Variants in OSBP2 observed in about 807,000 individuals in gnomAD.
OSBP2 encodes the protein oxysterol binding protein 2.
Under a neutral mutation model 96.0 loss-of-function variants are expected in OSBP2, and 66 were observed. The ratio of observed to expected loss-of-function variants is 0.69; its 90% CI spans 0.56 to 0.84. OSBP2 has a LOEUF of 0.84. Ranked by LOEUF, OSBP2 falls within the 40% of genes least tolerant of loss-of-function variation. The pLI is 0.00. For missense variants in OSBP2, 1,038 were observed against 1,222.7 expected (o/e 0.85, Z 2.25); for synonymous variants, 525 against 520.9 (o/e 1.01, Z -0.11).
At chr22:30,792,038 G>A (rs1241565144) in intron 2 of OSBP2, among the ~76,000 whole-genome samples, 3 of 152,080 alleles carry the variant, frequency 2.0e-5, no homozygotes, top group Non-Finnish European at 4.4e-5. Flanking sequence ...CAGGCCAGGT[G>A]CAGTGGCTCA....
At position 30,795,518 on chromosome 22, in the gene OSBP2, A is replaced by ATTTTTTT. The variant is rs136288; in HGVS notation, c.853+54161_853+54167dup. Among the ~76,000 whole-genome samples the ATTTTTTT allele has an allele frequency of 8.2e-5, 10 of 122,284 alleles. 1 individual carries two copies. Among genetic ancestry groups the ATTTTTTT allele is most frequent in the African/African-American group, 2.2e-4 (7 of 32,046 alleles). The allele number at this position is 122,284 out of a possible 152,430, so 80.2% of individuals were successfully genotyped here. A position where few individuals can be genotyped will look rare whatever the true frequency, so the allele number is the denominator to read the frequency against. The stretch of plus-strand genomic sequence containing the variant: ...TTCTGCCGTTAAACCTATCCAATGC[A>ATTTTTTT]TTTTTTTTTTTTTTTTTTGAGATGG... On this transcript the variant is annotated intron_variant, in intron 2 of 13. Coordinates refer to ENST00000332585, the MANE Select transcript of OSBP2 (RefSeq NM_030758.4).
intron 2 of OSBP2, among the ~76,000 whole-genome samples, chr22:30,851,211 G>A (rs768214389): frequency 3.3e-5 from 5 of 151,338 alleles, no homozygotes; most frequent in East Asian, 1.9e-4. Flanking sequence ...ACAGGCATGC[G>A]CCACGCATAC....
At position 30,852,962 on chromosome 22, in the gene OSBP2, G is replaced by A. The variant is rs1005383339; in HGVS notation, c.854-17467G>A. Among the ~76,000 whole-genome samples the A allele has an allele frequency of 2.0e-5, 3 of 152,094 alleles. No individual in the cohort carries two copies. The East Asian group carries it at 5.8e-4, about 29-fold the overall frequency. ...TATATTTTTGTTATTGTTGTCTAATGTACTTCTTTCATATCCAGAGGAGAT... is the reference window on the plus strand; with the variant it reads ...TATATTTTTGTTATTGTTGTCTAATATACTTCTTTCATATCCAGAGGAGAT... On this transcript the variant is annotated intron_variant, in intron 2 of 13. Transcript: ENST00000332585.
chr22:30,803,976 C>T (rs568350884), intron 2 of OSBP2, among the ~76,000 whole-genome samples: 1 of 152,352 alleles, frequency 6.6e-6, no homozygotes, highest in South Asian at 2.1e-4. Context: ...TGGGCTTCCT[C>T]AGCCCCTACA....
chr22:30,859,447 A>G (rs549276998), intron 2 of OSBP2, among the ~76,000 whole-genome samples: 1 of 152,364 alleles, frequency 6.6e-6, no homozygotes, highest in South Asian at 2.1e-4. Context: ...TGACCCCACA[A>G]CCATCAGCAG....
Position 30,906,256 on chromosome 22 carries a change from G to T in OSBP2, c.2668G>T (p.Gly890Trp). 1 of 1,614,152 alleles carries T rather than the reference G, an allele frequency of 6.2e-7. No individual in the cohort carries two copies. The highest frequency in any genetic ancestry group is 8.5e-7 in the Non-Finnish European group (1 of 1,180,004). The change falls in exon 14 of 14, where the codon GGG becomes TGG. Residue 890 changes from glycine (G) to tryptophan (W), a missense_variant. Around this residue, in one of 3 missense-constraint regions of OSBP2, gnomAD observed 737 missense variants for 913.3 expected, o/e 0.81. Coordinates refer to ENST00000332585, the MANE Select transcript of OSBP2 (RefSeq NM_030758.4). ...TGAGAAGAGGCTGGATCCGCTGACC[G>T]GGGAGATGGCCTGTGTGTACAAGGG... ...WFEKRLDPLT[G>W]EMACVYKGGY...
chr22:30,725,561 CA>C (rs1555908284), intron 1 of OSBP2, among the ~76,000 whole-genome samples: 1 of 150,512 alleles, frequency 6.6e-6, no homozygotes, highest in African/African-American at 2.4e-5. Context: ...AAAAAACACA[CA>C]AAAAAAACAA....
rs118140800 is a variant in OSBP2 at position 30,807,795 on chromosome 22, T to A, written c.854-62634T>A. Among the ~76,000 whole-genome samples, 1,183 of 152,268 alleles carry A rather than the reference T, an allele frequency of 7.8e-3. 10 individuals are homozygous for A. Among genetic ancestry groups the A allele is most frequent in the Middle Eastern group, 0.031 (9 of 294 alleles). On this transcript the variant is annotated intron_variant, in intron 2 of 13. Coordinates refer to ENST00000332585, the MANE Select transcript of OSBP2 (RefSeq NM_030758.4). ...TTCAAGGGACCAGCTGGGTCTTTTT[T>A]TTGTGGTGGTCTTTCTCTGTTGCCC... is the stretch of plus-strand genomic sequence containing the variant.
chr22:30,891,869 C>T (rs944866472), intron 8 of OSBP2, among the ~76,000 whole-genome samples: 16 of 152,254 alleles, frequency 1.1e-4, no homozygotes, highest in Non-Finnish European at 2.2e-4. Context: ...TGAACAGACA[C>T]GGCTCTGGTT....
intron 2 of OSBP2, among the ~76,000 whole-genome samples, chr22:30,819,059 G>A (rs1031514324): frequency 2.0e-5 from 3 of 152,330 alleles, no homozygotes; most frequent in Admixed American, 2.0e-4. Flanking sequence ...CGTGGGCCAG[G>A]TGCTGTGGCT....
intron 2 of OSBP2, among the ~76,000 whole-genome samples, chr22:30,825,461 C>T (rs1331597731): frequency 1.3e-5 from 2 of 152,202 alleles, no homozygotes; most frequent in Non-Finnish European, 2.9e-5. Context: ...GCATCTGTGC[C>T]TACCAGTCTG....
rs151244640 is a variant in OSBP2 at position 30,872,407 on chromosome 22, G to A, written c.1107+1725G>A. The stretch of plus-strand genomic sequence containing the variant: ...TTTTGGCTTTTCCGAGATAATGAGC[G>A]TCTCAGCTGGCTGCCGTCTTGCACA... On this transcript the variant is annotated intron_variant, in intron 3 of 13. Coordinates refer to ENST00000332585, the MANE Select transcript of OSBP2 (RefSeq NM_030758.4). 2.1e-3 allele frequency: 956 copies of A among 456,248 alleles called. 1 individual carries two copies. The highest frequency in any genetic ancestry group is 3.5e-3 in the Non-Finnish European group (795 of 226,894). The allele number at this position is 456,248 out of a possible 1,614,324, so 28.3% of individuals were successfully genotyped here. A position where few individuals can be genotyped will look rare whatever the true frequency, so the allele number is the denominator to read the frequency against.
chr22:30,730,769 T>TCTC lies in OSBP2; in HGVS notation c.645-10391_645-10389dup, dbSNP rs1569100424. ...CTCTCTCTCTCTCTCTCTCTCTCTCTCTCTCTATATATATATATATATATA... is the reference window on the plus strand; with the variant it reads ...CTCTCTCTCTCTCTCTCTCTCTCTCTCTCCTCTCTATATATATATATATATATA... On this transcript the variant is annotated intron_variant, in intron 1 of 13. Transcript: ENST00000332585. Among the ~76,000 whole-genome samples the TCTC allele has an allele frequency of 3.1e-3, 152 of 48,356 alleles. 15 individuals are homozygous for TCTC. Among genetic ancestry groups the TCTC allele is most frequent in the Non-Finnish European group, 4.6e-3 (125 of 27,304 alleles). 31.7% of individuals were successfully genotyped at this position (48,356 alleles called of 152,430 possible). A position where few individuals can be genotyped will look rare whatever the true frequency, so the allele number is the denominator to read the frequency against.
At chr22:30,761,537 A>G (rs1384983804) in intron 2 of OSBP2, among the ~76,000 whole-genome samples, 1 of 152,252 alleles carries the variant, frequency 6.6e-6, no homozygotes, top group Non-Finnish European at 1.5e-5. Flanking sequence ...CTTGAATGCA[A>G]TTCCAAAAAA....
Position 30,848,187 on chromosome 22 carries a change from C to A in OSBP2, c.854-22242C>A, listed in dbSNP as rs538633618. ...GTCTCTTTTTGAAGGGCATTTAGGG[C>A]GTTTCCAGATGTTTTGCTATTGCAA... On this transcript the variant is annotated intron_variant, in intron 2 of 13. Coordinates refer to ENST00000332585, the MANE Select transcript of OSBP2 (RefSeq NM_030758.4). Among the ~76,000 whole-genome samples, 350 of 152,176 alleles carry A rather than the reference C, an allele frequency of 2.3e-3. 1 individual carries two copies. The highest frequency in any genetic ancestry group is 7.7e-3 in the African/African-American group (320 of 41,532).
chr22:30,705,281 TTTGTTG>T (rs58817033), intron 1 of OSBP2, among the ~76,000 whole-genome samples: 21 of 150,494 alleles, frequency 1.4e-4, no homozygotes, highest in Admixed American at 2.7e-4. Context: ...CCCCAGTATT[TTTGTTG>T]TTGTTGTTGT....
chr22:30,853,774 C>T (rs1388356745), intron 2 of OSBP2, among the ~76,000 whole-genome samples: 4 of 138,604 alleles, frequency 2.9e-5, no homozygotes, highest in Non-Finnish European at 1.6e-5. Context: ...TTCTTTCTTT[C>T]TTTTTTTTTT....
chr22:30,710,042 C>T (rs2089322821), intron 1 of OSBP2, among the ~76,000 whole-genome samples: 1 of 152,086 alleles, frequency 6.6e-6, no homozygotes, highest in Non-Finnish European at 1.5e-5. Context: ...ACCACCATGC[C>T]TGGCTAATTT....
rs894093402 is a variant in OSBP2 at position 30,851,619 on chromosome 22, T to C, written c.854-18810T>C. Among the ~76,000 whole-genome samples, 5 of 152,168 alleles carry C rather than the reference T, an allele frequency of 3.3e-5. No individual in the cohort carries two copies. The East Asian group carries it at 9.6e-4, about 29-fold the overall frequency. ...TTATTGCACTGACTGGAACTTCTAA[T>C]GTAATGTTGAGTAGAAGTGGTAATA... On this transcript the variant is annotated intron_variant, in intron 2 of 13. Coordinates refer to ENST00000332585, the MANE Select transcript of OSBP2 (RefSeq NM_030758.4).
Sources: gnomAD v4.1 joint callset for allele counts (sites outside exome capture counted in the v4.1 genomes callset) on GRCh38, gnomAD v4.1.1 for gene constraint, gnomAD v4.1.1 regional missense constraint, MANE v1.5 for transcripts, NCBI Gene and HGNC (gene_info 2026-07-23, HGNC 2026-07-21) for gene names.